Variants in CLDN15 observed in about 807,000 individuals in gnomAD.
CLDN15 encodes claudin-15.
Under a neutral mutation model 24.5 loss-of-function variants are expected in CLDN15, and 9 were observed. The observed-to-expected ratio is 0.37, with a 90% CI of 0.22 to 0.64. CLDN15 has a LOEUF of 0.64. Ranked by LOEUF, CLDN15 falls within the 30% of genes least tolerant of loss-of-function variation. The pLI, the probability that CLDN15 is intolerant of heterozygous loss-of-function variation, is 0.63. For synonymous variants in CLDN15, 149 were observed against 131.4 expected (o/e 1.13, Z -0.92); for missense variants, 248 against 305.9 (o/e 0.81, Z 1.41).
In CLDN15 at chr7:101,237,587, G is replaced by A; in HGVS notation, c.-6C>T. On this transcript the variant is annotated 5_prime_UTR_variant, in exon 1 of 5. Coordinates refer to ENST00000308344, the MANE Select transcript of CLDN15 (RefSeq NM_014343.3). The surrounding 1 kb of genome is among the most constrained non-coding windows in gnomAD (Gnocchi z 4.0). ...GTTTCCACAGCCATCGACATGGTGG[G>A]ATGCAGGACCCTGGGGGGCTGGTGC... 1 of 1,610,932 alleles carries A rather than the reference G, an allele frequency of 6.2e-7. No individual in the cohort carries two copies. Among genetic ancestry groups the A allele is most frequent in the Non-Finnish European group, 8.5e-7 (1 of 1,177,206 alleles).
chr7:101,232,906 C>A lies in CLDN15; in HGVS notation c.391G>T (p.Gly131Trp). ...GALHILAGICGMVAISWYAFN... is the reference protein window; with the variant it reads ...GALHILAGICWMVAISWYAFN... ...GCGTACCAGGAGATGGCCACCATCCCGCAGATACCTGGGGACCGGAGGACG... is the reference window on the plus strand; with the variant it reads ...GCGTACCAGGAGATGGCCACCATCCAGCAGATACCTGGGGACCGGAGGACG... The change falls in exon 3 of 5, where the codon GGG becomes TGG. Residue 131 changes from glycine (G) to tryptophan (W), a missense_variant. Physicochemically the swap from Gly to Trp is radical, Grantham distance 184. Coordinates refer to ENST00000308344, the MANE Select transcript of CLDN15 (RefSeq NM_014343.3). 6.2e-7 allele frequency: 1 copy of A among 1,611,836 alleles called. No homozygotes were observed. Among genetic ancestry groups the A allele is most frequent in the East Asian group, 2.2e-5 (1 of 44,792 alleles).
upstream of CLDN15, chr7:101,238,091 G>C (rs73408493): frequency 4.9e-6 from 1 of 205,572 alleles, no homozygotes; most frequent in East Asian, 1.1e-4. Flanking sequence ...ACAGACGTGA[G>C]AGCAATAAGG....
At chr7:101,234,064 C>A in intron 2 of CLDN15, 2 of 702,466 alleles carry the variant, frequency 2.8e-6, no homozygotes, top group Non-Finnish European at 5.2e-6. Context: ...GTGGCCAGCC[C>A]CTACTGGGAG....
Position 101,237,045 on chromosome 7 carries a change from C to T in CLDN15, c.217+320G>A, listed in dbSNP as rs1297007324. On this transcript the variant is annotated intron_variant, in intron 1 of 4. Coordinates refer to ENST00000308344, the MANE Select transcript of CLDN15 (RefSeq NM_014343.3). The surrounding 1 kb of genome is among the most constrained non-coding windows in gnomAD (Gnocchi z 4.0). ...TTTCTCAGTCACCTGTGAACTGGGA[C>T]TCTCACCCTAACCCTACAGGTGGGA... is the stretch of plus-strand genomic sequence containing the variant. 6.6e-6 allele frequency among the ~76,000 whole-genome samples: 1 copy of T among 152,088 alleles called. No individual in the cohort carries two copies. Among genetic ancestry groups the T allele is most frequent in the African/African-American group, 2.4e-5 (1 of 41,416 alleles).
At chr7:101,235,685 T>G (rs1479580606) in intron 1 of CLDN15, among the ~76,000 whole-genome samples, 2 of 151,206 alleles carry the variant, frequency 1.3e-5, no homozygotes, top group East Asian at 3.9e-4. Context: ...GGGTGCAGAG[T>G]CGGGGGGTAG....
At chr7:101,232,967 A>C in intron 2 of CLDN15, 53 bp from the exon 3 acceptor site, 12 of 546,976 alleles carry the variant, frequency 2.2e-5, no homozygotes, top group Non-Finnish European at 3.4e-5. Flanking sequence ...ATAGTGGGGG[A>C]GGGGGCTTAG....
intron 3 of CLDN15, 52 bp from the exon 4 acceptor site, chr7:101,232,772 G>C (rs757212690): frequency 6.3e-7 from 1 of 1,579,418 alleles, no homozygotes; most frequent in South Asian, 1.1e-5. Flanking sequence ...GCCAGCCGGG[G>C]GGCAGGGCTG....
Position 101,237,251 on chromosome 7 carries a change from C to T in CLDN15, c.217+114G>A. 1.3e-6 allele frequency: 1 copy of T among 755,748 alleles called. No individual in the cohort carries two copies. Among genetic ancestry groups the T allele is most frequent in the Non-Finnish European group, 2.3e-6 (1 of 437,402 alleles). The allele number at this position is 755,748 out of a possible 1,614,324, so 46.8% of individuals were successfully genotyped here. A position where few individuals can be genotyped will look rare whatever the true frequency, so the allele number is the denominator to read the frequency against. ...GCACTCCTGGCTGCGGGAACTCAGA[C>T]CCGCAGAGCTTAATTCAGGGCTCCC... On this transcript the variant is annotated intron_variant, in intron 1 of 4. Transcript: ENST00000308344. This position sits in a 1 kb window ranked among gnomAD's most constrained non-coding sequence, Gnocchi z 4.0.
At position 101,232,730 on chromosome 7, in the gene CLDN15, A is replaced by T; in HGVS notation, c.465-10T>A. The T allele has an allele frequency of 1.9e-6, 3 of 1,589,242 alleles. No individual in the cohort carries two copies. Among genetic ancestry groups the T allele is most frequent in the Non-Finnish European group, 2.6e-6 (3 of 1,165,130 alleles). On this transcript the variant is annotated splice_polypyrimidine_tract_variant and intron_variant, in intron 3 of 4. Coordinates refer to ENST00000308344, the MANE Select transcript of CLDN15 (RefSeq NM_014343.3). ...GGGGCCCAGCTCGTACCTGCGCACA[A>T]GGGCGGCGCGGGGGCGGGGGACAAG... is the stretch of plus-strand genomic sequence containing the variant.
chr7:101,237,397 C>G lies in CLDN15; in HGVS notation c.185G>C (p.Cys62Ser). The G allele has an allele frequency of 6.2e-7, 1 of 1,612,990 alleles. No homozygotes were observed. The highest frequency in any genetic ancestry group is 8.5e-7 in the Non-Finnish European group (1 of 1,179,386). ...CATDSLGVYN[C>S]WEFPSMLALS... is the part of the protein sequence containing the mutation. ...GGCCAGCATGGACGGGAACTCCCAG[C>G]AGTTGTAGACGCCCAGGGAGTCGGT... Residue 62 changes from cysteine (C) to serine (S), a missense_variant, in exon 1 of 5, where the codon TGC (cysteine) becomes TCC (serine). Transcript: ENST00000308344. The surrounding 1 kb of genome is among the most constrained non-coding windows in gnomAD (Gnocchi z 4.0).
intron 1 of CLDN15, 60 bp from the exon 2 acceptor site, chr7:101,234,502 A>G (rs763443364): frequency 1.7e-6 from 2 of 1,211,108 alleles, no homozygotes; most frequent in Non-Finnish European, 2.4e-6. Flanking sequence ...AGCCAGCCCA[A>G]CAGCCCCTCA....
At chr7:101,234,950 G>A (rs1278968049) in intron 1 of CLDN15, among the ~76,000 whole-genome samples, 1 of 152,014 alleles carries the variant, frequency 6.6e-6, no homozygotes, top group African/African-American at 2.4e-5. Flanking sequence ...ACTCTATTCT[G>A]GGGGCCGTCC....
At chr7:101,236,334 G>A (rs1798623051) in intron 1 of CLDN15, among the ~76,000 whole-genome samples, 1 of 152,144 alleles carries the variant, frequency 6.6e-6, no homozygotes, top group African/African-American at 2.4e-5. Flanking sequence ...CTCTGCCGCT[G>A]CCTCAGGAGG....
rs772785247 is a variant in CLDN15, at chr7:101,232,602, A to T, written c.581+2T>A. On this transcript the variant is annotated splice_donor_variant, in intron 4 of 4. Transcript: ENST00000308344. LOFTEE classifies it high-confidence loss of function. ...CCCCAGCCTGCGCCTCACCCTGCTC[A>T]CCTGGCGGCTGGGTCCTCGTCAGAG... The T allele has an allele frequency of 1.9e-6, 3 of 1,593,086 alleles. No individual in the cohort carries two copies. In the African/African-American group the frequency reaches 4.0e-5, roughly 21 times the overall value.
Position 101,237,281 on chromosome 7 carries a change from T to C in CLDN15, c.217+84A>G, listed in dbSNP as rs1303697739. 11 of 895,898 alleles carry C rather than the reference T, an allele frequency of 1.2e-5. No homozygotes were observed. Among genetic ancestry groups the C allele is most frequent in the South Asian group, 8.5e-5 (6 of 70,702 alleles). The allele number at this position is 895,898 out of a possible 1,614,324, so 55.5% of individuals were successfully genotyped here. On this transcript the variant is annotated intron_variant, in intron 1 of 4. Coordinates refer to ENST00000308344, the MANE Select transcript of CLDN15 (RefSeq NM_014343.3). The surrounding 1 kb of genome is among the most constrained non-coding windows in gnomAD (Gnocchi z 4.0). Reference sequence around the variant, plus strand: ...AGAGCTTAATTCAGGGCTCCCTGCATCCTCACGGAAGTACCCGCCCTCCCC... The same window carrying C: ...AGAGCTTAATTCAGGGCTCCCTGCACCCTCACGGAAGTACCCGCCCTCCCC...
chr7:101,236,830 T>G (rs760220621), intron 1 of CLDN15: 1 of 1,290,826 alleles, frequency 7.7e-7, no homozygotes, highest in South Asian at 1.2e-5. Context: ...TTTATAGACA[T>G]CAGCCGGACA....
Position 101,232,707 on chromosome 7 carries a change from G to A in CLDN15, c.478C>T (p.Pro160Ser), listed in dbSNP as rs765597358. Residue 160 changes from proline to serine, a missense_variant, in exon 4 of 5, where the codon CCC (proline) becomes TCC (serine). Physicochemically the swap from Pro to Ser is moderately conservative, Grantham distance 74 (BLOSUM62 -1). Coordinates refer to ENST00000308344, the MANE Select transcript of CLDN15 (RefSeq NM_014343.3). ...GCGCTCCACCCCAGGTAGAGGGCGG[G>A]GCCCAGCTCGTACCTGCGCACAAGG... ...LYPGTKYELG[P>S]ALYLGWSASL... 1.9e-6 allele frequency: 3 copies of A among 1,595,078 alleles called. No individual in the cohort carries two copies. Among genetic ancestry groups the A allele is most frequent in the Non-Finnish European group, 2.6e-6 (3 of 1,171,158 alleles).
In CLDN15 at chr7:101,237,005, G is replaced by T. The variant is rs1181195003; in HGVS notation, c.217+360C>A. On this transcript the variant is annotated intron_variant, in intron 1 of 4. Transcript: ENST00000308344. The surrounding 1 kb of genome is among the most constrained non-coding windows in gnomAD (Gnocchi z 4.0). The stretch of plus-strand genomic sequence containing the variant: ...GAGTGCCTATGTGTGTTAACATCAC[G>T]CTAACATTCTGCACTTTCTCAGTCA... 8 of 387,450 alleles carry T rather than the reference G, an allele frequency of 2.1e-5. No homozygotes were observed. The highest frequency in any genetic ancestry group is 1.5e-4 in the South Asian group (8 of 53,300). The allele number at this position is 387,450 out of a possible 1,614,324, so 24.0% of individuals were successfully genotyped here.
chr7:101,232,768 C>CG lies in CLDN15; in HGVS notation c.465-49dup, dbSNP rs527951946. 1.2e-3 allele frequency: 1,822 copies of CG among 1,579,662 alleles called. 23 individuals carry two copies. In the African/African-American group the frequency reaches 0.022, roughly 19 times the overall value. On this transcript the variant is annotated intron_variant, in intron 3 of 4. Transcript: ENST00000308344. ...GGCGGGGGACAAGTGAGACGCCAGC[C>CG]GGGGGGCAGGGCTGAGTCCCACCCG...
Sources: gnomAD v4.1 joint callset for allele counts (sites outside exome capture counted in the v4.1 genomes callset) on GRCh38, gnomAD v4.1.1 for gene constraint, Gnocchi (gnomAD v3.1) non-coding constraint, MANE v1.5 for transcripts, NCBI Gene and HGNC (gene_info 2026-07-23, HGNC 2026-07-21) for gene names.